The following TACR1 variants were observed in gnomAD, a reference collection of about 807,000 sequenced individuals.
TACR1 encodes substance-P receptor.
In TACR1, 25 loss-of-function variants were observed where a neutral mutation model predicts 35.8. The ratio of observed to expected loss-of-function variants is 0.70; its 90% confidence interval spans 0.51 to 0.98. TACR1 has a LOEUF of 0.98. Among genes scored for constraint, TACR1 ranks in the 50% least tolerant of loss-of-function variants. The pLI, the probability that TACR1 is intolerant of heterozygous loss-of-function variation, is 0.00. For missense variants in TACR1, 478 were observed against 522.9 expected, an observed-to-expected ratio of 0.91 and a Z score of 0.84; for synonymous variants, 195 against 206.7, an observed-to-expected ratio of 0.94 and a Z score of 0.48.
rs561350321 is a variant in TACR1, at chr2:75,120,612, G to A, written c.546C>T (p.Ile182=). 1.4e-5 allele frequency: 23 copies of A among 1,610,068 alleles called. No homozygotes were observed. The highest frequency in any genetic ancestry group is 2.0e-5 in the Non-Finnish European group (23 of 1,178,030). Reference sequence around the variant, plus strand: ...TCTTGTTCGGATGCTCTGGCCATTCGATCATGCACACGACTCTGCTGGGCA... The same window carrying A: ...TCTTGTTCGGATGCTCTGGCCATTCAATCATGCACACGACTCTGCTGGGCA... The part of the protein sequence containing the change: ...ETMPSRVVCM[I]EWPEHPNKIY... Residue 182 remains isoleucine, a synonymous_variant, in exon 2 of 5, where the codon ATC becomes ATT. Transcript: ENST00000305249.
At position 75,198,675 on chromosome 2, in the gene TACR1, A is replaced by G. The variant is rs1558591285; in HGVS notation, c.260T>C (p.Val87Ala). The G allele has an allele frequency of 1.1e-5, 18 of 1,614,204 alleles. No homozygotes were observed. Among genetic ancestry groups the G allele is most frequent in the Non-Finnish European group, 1.5e-5 (18 of 1,180,028 alleles). Residue 87 changes from valine (V) to alanine (A), a missense_variant, in exon 1 of 5, where the codon GTG becomes GCG. By Grantham distance (64) the Val-to-Ala change is moderately conservative (BLOSUM62 0). Coordinates refer to ENST00000305249, the MANE Select transcript of TACR1 (RefSeq NM_001058.4). ...GTGGACAGCATAGGTGAAGTTCACC[A>G]CTGTATTGAATGCAGCCATGGAGGC... ...AEASMAAFNT[V>A]VNFTYAVHNE...
intron 1 of TACR1, among the ~76,000 whole-genome samples, chr2:75,143,791 C>T (rs1287223833): frequency 3.9e-5 from 6 of 152,214 alleles, no homozygotes; most frequent in Non-Finnish European, 5.9e-5. Context: ...TGGACGCTTA[C>T]TCACAGCATT....
chr2:75,131,372 G>GC (rs1316649229), intron 1 of TACR1, among the ~76,000 whole-genome samples: 1 of 152,000 alleles, frequency 6.6e-6, no homozygotes, highest in Admixed American at 6.6e-5. Context: ...ACAGGTGTGA[G>GC]CCCCCGCACC....
intron 2 of TACR1, among the ~76,000 whole-genome samples, chr2:75,107,949 A>G (rs954387690): frequency 2.4e-5 from 3 of 123,534 alleles, no homozygotes; most frequent in Admixed American, 7.7e-5. Context: ...ATGTGAAAAG[A>G]TGATGTATAA....
chr2:75,197,664 C>A (rs1418255085), intron 1 of TACR1, among the ~76,000 whole-genome samples: 1 of 152,154 alleles, frequency 6.6e-6, no homozygotes, highest in Non-Finnish European at 1.5e-5. Flanking sequence ...GTTTGAAATG[C>A]CAACCTTTTC....
At chr2:75,152,742 C>T (rs1030670615) in intron 1 of TACR1, among the ~76,000 whole-genome samples, 22 of 152,198 alleles carry the variant, frequency 1.4e-4, no homozygotes, top group Non-Finnish European at 1.5e-5. Flanking sequence ...GTATAGATCA[C>T]AGCTCTCTTA....
chr2:75,154,406 G>GCGCACACACACACA, intron 1 of TACR1: 1 of 78,554 alleles, frequency 1.3e-5, no homozygotes, highest in Non-Finnish European at 2.5e-5. Flanking sequence ...CCAAGAGCGC[G>GCGCACACACACACA]CACGCACACA....
intron 4 of TACR1, among the ~76,000 whole-genome samples, chr2:75,050,394 G>T (rs1362574044): frequency 1.3e-5 from 2 of 152,126 alleles, no homozygotes; most frequent in Non-Finnish European, 2.9e-5. Context: ...TTCACAGAAG[G>T]CACCTTACAG....
intron 1 of TACR1, among the ~76,000 whole-genome samples, chr2:75,139,241 T>G (rs1439615925): frequency 6.6e-6 from 1 of 152,196 alleles, no homozygotes. Context: ...CAGTCAGGTA[T>G]TACCATCCAT....
chr2:75,071,226 C>T (rs1324197459), intron 2 of TACR1, among the ~76,000 whole-genome samples: 1 of 152,204 alleles, frequency 6.6e-6, no homozygotes, highest in African/African-American at 2.4e-5. Flanking sequence ...CTAAAGTCAT[C>T]CTCTTAAAAC....
At chr2:75,144,409 A>G (rs1353627149) in intron 1 of TACR1, among the ~76,000 whole-genome samples, 1 of 152,204 alleles carries the variant, frequency 6.6e-6, no homozygotes, top group Non-Finnish European at 1.5e-5. Context: ...CTGCAAATTT[A>G]TCTTTTTCTT....
intron 1 of TACR1, among the ~76,000 whole-genome samples, chr2:75,162,043 CAAAA>C (rs35438025): frequency 4.2e-5 from 4 of 94,196 alleles, no homozygotes; most frequent in African/African-American, 1.6e-4. Flanking sequence ...TTGACTCTTC[CAAAA>C]AAAAAAAAAA....
chr2:75,091,623 G>A (rs192582407), intron 2 of TACR1, among the ~76,000 whole-genome samples: 5 of 152,198 alleles, frequency 3.3e-5, no homozygotes, highest in Admixed American at 3.3e-4. Context: ...CACAGCCTGT[G>A]TTCCTTTCTC....
intron 2 of TACR1, among the ~76,000 whole-genome samples, chr2:75,056,273 A>C (rs1464017333): frequency 6.6e-6 from 1 of 152,226 alleles, no homozygotes; most frequent in Non-Finnish European, 1.5e-5. Flanking sequence ...TTTGGAAAAC[A>C]AACAACTTTC....
chr2:75,098,031 G>T (rs1558552354), intron 2 of TACR1, among the ~76,000 whole-genome samples: 1 of 152,192 alleles, frequency 6.6e-6, no homozygotes, highest in Non-Finnish European at 1.5e-5. Context: ...TTGCCAGCTG[G>T]CTCTGGCACA....
rs1558579966 is a variant in TACR1 at position 75,171,490 on chromosome 2, G to A, written c.389+27056C>T. Reference sequence around the variant, plus strand: ...TACTCAGAGTTCCCACTGGGGCACTGCCTAGTGGAGCTGTCAGAAGAGGGC... The same window carrying A: ...TACTCAGAGTTCCCACTGGGGCACTACCTAGTGGAGCTGTCAGAAGAGGGC... On this transcript the variant is annotated intron_variant, in intron 1 of 4. Coordinates refer to ENST00000305249, the MANE Select transcript of TACR1 (RefSeq NM_001058.4). 2.0e-5 allele frequency among the ~76,000 whole-genome samples: 3 copies of A among 152,342 alleles called. No individual in the cohort carries two copies. The South Asian group carries it at 6.2e-4, about 32-fold the overall frequency.
At chr2:75,085,755 C>T (rs1256473566) in intron 2 of TACR1, among the ~76,000 whole-genome samples, 1 of 152,148 alleles carries the variant, frequency 6.6e-6, no homozygotes, top group Admixed American at 6.5e-5. Flanking sequence ...CAACCACTCT[C>T]CCTACTCTTC....
At chr2:75,174,689 G>T (rs961463185) in intron 1 of TACR1, among the ~76,000 whole-genome samples, 10 of 152,312 alleles carry the variant, frequency 6.6e-5, no homozygotes, top group Non-Finnish European at 1.2e-4. Context: ...TGTAAAAGAA[G>T]TTTCTTTTTC....
intron 1 of TACR1, among the ~76,000 whole-genome samples, chr2:75,127,371 T>C (rs1374445869): frequency 6.6e-6 from 1 of 152,210 alleles, no homozygotes; most frequent in African/African-American, 2.4e-5. Context: ...ATTTTTATTA[T>C]TAATTAATTA....
Sources: allele counts gnomAD v4.1 joint callset (sites outside exome capture counted in the v4.1 genomes callset), GRCh38; gene constraint gnomAD v4.1.1; transcripts MANE v1.5; gene names NCBI Gene and HGNC (gene_info 2026-07-23, HGNC 2026-07-21).